EPS8: variants seen among roughly 807,000 people sequenced by gnomAD.
EPS8 encodes EGFR pathway substrate 8, signaling adaptor, also known as epidermal growth factor receptor kinase substrate 8.
Under a neutral mutation model 103.8 loss-of-function variants are expected in EPS8, and 42 were observed. The observed-to-expected ratio is 0.40, with a 90% CI of 0.32 to 0.52. The LOEUF (loss-of-function observed/expected upper bound fraction) is 0.52. Ranked by LOEUF, EPS8 falls within the 20% of genes least tolerant of loss-of-function variation. The pLI, the probability that EPS8 is intolerant of heterozygous loss-of-function variation, is 0.40. For missense variants in EPS8, 969 were observed against 1,005.1 expected (o/e 0.96, Z 0.49); for synonymous variants, 344 against 344.6 (o/e 1.00, Z 0.02).
chr12:15,704,874 T>G lies in EPS8; in HGVS notation c.-21-21902A>C, dbSNP rs1324150789. On this transcript the variant is annotated intron_variant, in intron 1 of 20. Coordinates refer to ENST00000281172, the MANE Select transcript of EPS8 (RefSeq NM_004447.6). The surrounding 1 kb of genome is among the most constrained non-coding windows in gnomAD (Gnocchi z 4.6). ...AGCTGCCTCTGTTATGGGGATGTAC[T>G]AGAAGATTAACAATTTCCTTGGCAT... Among the ~76,000 whole-genome samples, 1 of 152,170 alleles carries G rather than the reference T, an allele frequency of 6.6e-6. No individual in the cohort carries two copies. The highest frequency in any genetic ancestry group is 1.5e-5 in the Non-Finnish European group (1 of 68,022).
intron 12 of EPS8, among the ~76,000 whole-genome samples, chr12:15,655,849 A>C (rs762225848): frequency 3.3e-5 from 5 of 152,212 alleles, no homozygotes; most frequent in Non-Finnish European, 7.4e-5. Context: ...AAGCCACTAC[A>C]TCATGCTGGC....
chr12:15,648,168 C>T (rs1008827987), intron 14 of EPS8, among the ~76,000 whole-genome samples: 4 of 152,204 alleles, frequency 2.6e-5, no homozygotes, highest in African/African-American at 9.6e-5. Flanking sequence ...GTCCACGACC[C>T]AGGAACTGGG....
At position 15,767,896 on chromosome 12, in the gene EPS8, T is replaced by C. The variant is rs1947113230; in HGVS notation, c.-22+21265A>G. Among the ~76,000 whole-genome samples the C allele has an allele frequency of 6.6e-6, 1 of 152,216 alleles. No homozygotes were observed. Among genetic ancestry groups the C allele is most frequent in the Non-Finnish European group, 1.5e-5 (1 of 68,038 alleles). On this transcript the variant is annotated intron_variant, in intron 1 of 20. Coordinates refer to ENST00000281172, the MANE Select transcript of EPS8 (RefSeq NM_004447.6). This position sits in a 1 kb window ranked among gnomAD's most constrained non-coding sequence, Gnocchi z 5.5. ...CTTTCCCCAGAGAATAAAATAGATA[T>C]TTTTGGTTGTTATTTTACAAATAAA...
rs555397401 is a variant in EPS8, at chr12:15,751,487, G to T, written c.-22+37674C>A. ...AATAAACAAGGCCACAATGATCCCA[G>T]TCCTAAAAAGCTCACATTCAAGTGT... On this transcript the variant is annotated intron_variant, in intron 1 of 20. Transcript: ENST00000281172. The surrounding 1 kb of genome is among the most constrained non-coding windows in gnomAD (Gnocchi z 4.3). Among the ~76,000 whole-genome samples, 5 of 152,188 alleles carry T rather than the reference G, an allele frequency of 3.3e-5. No homozygotes were observed. The South Asian group carries it at 1.0e-3, about 32-fold the overall frequency.
rs1946125210 is a variant in EPS8 at position 15,688,423 on chromosome 12, A to T, written c.-21-5451T>A. 6.6e-6 allele frequency among the ~76,000 whole-genome samples: 1 copy of T among 152,170 alleles called. No homozygotes were observed. Among genetic ancestry groups the T allele is most frequent in the South Asian group, 2.1e-4 (1 of 4,828 alleles). ...GGCTCCACCCCCATGGACCTAGATG[A>T]GGACAGGCATTTTTGTTTTCCTGCC... On this transcript the variant is annotated intron_variant, in intron 1 of 20. Coordinates refer to ENST00000281172, the MANE Select transcript of EPS8 (RefSeq NM_004447.6). The surrounding 1 kb of genome is among the most constrained non-coding windows in gnomAD (Gnocchi z 5.1).
chr12:15,623,790 A>G (rs1487365654), intron 19 of EPS8, among the ~76,000 whole-genome samples: 2 of 152,224 alleles, frequency 1.3e-5, no homozygotes. Flanking sequence ...TTCTATTAAG[A>G]TTATAATTGA....
In EPS8 at chr12:15,727,828, A is replaced by G. The variant is rs1244380240; in HGVS notation, c.-21-44856T>C. Among the ~76,000 whole-genome samples the G allele has an allele frequency of 6.6e-6, 1 of 152,240 alleles. No individual in the cohort carries two copies. Among genetic ancestry groups the G allele is most frequent in the Non-Finnish European group, 1.5e-5 (1 of 68,028 alleles). ...AGCCAAGGTTGTGCCACTGCACTCC[A>G]GCCTGGGCGACAGAGCGAGACTCCA... On this transcript the variant is annotated intron_variant, in intron 1 of 20. Coordinates refer to ENST00000281172, the MANE Select transcript of EPS8 (RefSeq NM_004447.6). The surrounding 1 kb of genome is among the most constrained non-coding windows in gnomAD (Gnocchi z 4.3).
Position 15,681,371 on chromosome 12 carries a change from A to G in EPS8, c.60-69T>C, listed in dbSNP as rs372922466. On this transcript the variant is annotated intron_variant, in intron 2 of 20. Coordinates refer to ENST00000281172, the MANE Select transcript of EPS8 (RefSeq NM_004447.6). ...TCATTGTGTTGGGTTAAAGTCCAATATAAGTAACAGAAACTCAACTAGAAA... is the reference window on the plus strand; with the variant it reads ...TCATTGTGTTGGGTTAAAGTCCAATGTAAGTAACAGAAACTCAACTAGAAA... 6 of 619,226 alleles carry G rather than the reference A, an allele frequency of 9.7e-6. No homozygotes were observed. The South Asian group carries it at 2.9e-4, about 30-fold the overall frequency. The allele number at this position is 619,226 out of a possible 1,614,324, so 38.4% of individuals were successfully genotyped here.
intron 3 of EPS8, among the ~76,000 whole-genome samples, chr12:15,671,496 T>A (rs1195841975): frequency 6.6e-6 from 1 of 152,034 alleles, no homozygotes; most frequent in Non-Finnish European, 1.5e-5. Context: ...AACACACAAA[T>A]GTGATACTTA....
In EPS8 at chr12:15,643,509, G is replaced by A. The variant is rs543525525; in HGVS notation, c.1569-1679C>T. 3.3e-5 allele frequency among the ~76,000 whole-genome samples: 5 copies of A among 152,238 alleles called. No homozygotes were observed. The South Asian group carries it at 8.3e-4, about 25-fold the overall frequency. ...AATCCTAGCACTTTGGGAGGCCGAG[G>A]AGGGCGGATCACCTGAGGTCAGGAG... is the stretch of plus-strand genomic sequence containing the variant. On this transcript the variant is annotated intron_variant, in intron 15 of 20. Transcript: ENST00000281172.
At chr12:15,686,265 T>C (rs968434270) in intron 1 of EPS8, among the ~76,000 whole-genome samples, 1 of 152,198 alleles carries the variant, frequency 6.6e-6, no homozygotes, top group Non-Finnish European at 1.5e-5. Context: ...TTTTAGAATA[T>C]ATAATACATA....
chr12:15,663,944 A>AATAATAATAATAATAATAAT, intron 8 of EPS8, among the ~76,000 whole-genome samples: 1 of 85,962 alleles, frequency 1.2e-5, no homozygotes, highest in East Asian at 3.6e-4. Context: ...AAAAAAAAAA[A>AATAATAATAATAATAATAAT]AATAATATAT....
chr12:15,734,602 G>A lies in EPS8; in HGVS notation c.-21-51630C>T, dbSNP rs531175687. Among the ~76,000 whole-genome samples the A allele has an allele frequency of 6.6e-5, 10 of 152,260 alleles. No individual in the cohort carries two copies. The South Asian group carries it at 1.7e-3, about 25-fold the overall frequency. On this transcript the variant is annotated intron_variant, in intron 1 of 20. Coordinates refer to ENST00000281172, the MANE Select transcript of EPS8 (RefSeq NM_004447.6). This position sits in a 1 kb window ranked among gnomAD's most constrained non-coding sequence, Gnocchi z 4.1. ...CCAGCTACTCGGGAGGCTGAGGCAG[G>A]AGAATGGCGTGAACCTGGGAGGCGG...
At position 15,647,263 on chromosome 12, in the gene EPS8, G is replaced by A. The variant is rs1210185351; in HGVS notation, c.1435-3C>T. The A allele has an allele frequency of 6.2e-7, 1 of 1,609,918 alleles. No individual in the cohort carries two copies. The highest frequency in any genetic ancestry group is 1.1e-5 in the South Asian group (1 of 90,242). ...TGATACTCTGATACACTGGAATGCT[G>A]AAAGACAAAGTGGGGCAGATTAAAG... On this transcript the variant is annotated splice_polypyrimidine_tract_variant and splice_region_variant and intron_variant, in intron 14 of 20. Transcript: ENST00000281172.
intron 4 of EPS8, among the ~76,000 whole-genome samples, chr12:15,670,625 G>C (rs927458921): frequency 5.9e-5 from 9 of 152,024 alleles, no homozygotes; most frequent in Non-Finnish European, 1.2e-4. Context: ...AATAAGACTG[G>C]CAAGGATAAA....
At chr12:15,703,158 T>C (rs1427624798) in intron 1 of EPS8, among the ~76,000 whole-genome samples, 1 of 151,936 alleles carries the variant, frequency 6.6e-6, no homozygotes, top group Non-Finnish European at 1.5e-5. Flanking sequence ...AAAAAATAAA[T>C]AAAAATAAAA....
At chr12:15,641,630 A>G (rs1156878926) in intron 16 of EPS8, 92 bp downstream of exon 16, 1 of 557,270 alleles carries the variant, frequency 1.8e-6, no homozygotes, top group Non-Finnish European at 3.0e-6. Flanking sequence ...TTAGTAATAT[A>G]ATACTTTTGA....
At chr12:15,663,955 ATAT>A (rs1945661168) in intron 8 of EPS8, among the ~76,000 whole-genome samples, 8 of 31,710 alleles carry the variant, frequency 2.5e-4, no homozygotes, top group African/African-American at 6.8e-4. Flanking sequence ...AATAATATAT[ATAT>A]ATATATATAT....
In EPS8 at chr12:15,749,687, A is replaced by C. The variant is rs555110963; in HGVS notation, c.-22+39474T>G. On this transcript the variant is annotated intron_variant, in intron 1 of 20. Transcript: ENST00000281172. The surrounding 1 kb of genome is among the most constrained non-coding windows in gnomAD (Gnocchi z 4.0). ...TAACCTAATCAAAACAACATATATC[A>C]TATTGTTCATAATATCTTCATATTG... Among the ~76,000 whole-genome samples the C allele has an allele frequency of 6.6e-6, 1 of 152,298 alleles. No individual in the cohort carries two copies. Among genetic ancestry groups the C allele is most frequent in the Non-Finnish European group, 1.5e-5 (1 of 68,030 alleles).
Sources: gnomAD v4.1 joint callset for allele counts (sites outside exome capture counted in the v4.1 genomes callset) on GRCh38, gnomAD v4.1.1 for gene constraint, Gnocchi (gnomAD v3.1) non-coding constraint, MANE v1.5 for transcripts, NCBI Gene and HGNC (gene_info 2026-07-23, HGNC 2026-07-21) for gene names.